Variants in ATP8A2 observed in about 807,000 individuals in gnomAD.
ATP8A2 encodes phospholipid-transporting ATPase IB.
ATP8A2 carries 100 observed loss-of-function variants against 165.6 expected under a neutral mutation model. The ratio of observed to expected loss-of-function variants is 0.60; its 90% confidence interval spans 0.51 to 0.71. The LOEUF is 0.71. Among genes scored for constraint, ATP8A2 ranks in the 30% least tolerant of loss-of-function variants. The probability of loss-of-function intolerance (pLI) is 0.00; values close to 1 mark genes in which losing one functional copy is unlikely to be tolerated. For synonymous variants in ATP8A2, 543 were observed against 548.8 expected, an observed-to-expected ratio of 0.99 and a Z score of 0.15; for missense variants, 1,227 against 1,479.5, an observed-to-expected ratio of 0.83 and a Z score of 2.80.
chr13:25,415,113 G>T (rs2034094684), intron 1 of ATP8A2, among the ~76,000 whole-genome samples: 1 of 152,164 alleles, frequency 6.6e-6, no homozygotes, highest in Non-Finnish European at 1.5e-5. Flanking sequence ...TTTTGCATTA[G>T]AATAACATTT....
chr13:25,767,035 A>C lies in ATP8A2; in HGVS notation c.2385-2011A>C, dbSNP rs989078965. Among the ~76,000 whole-genome samples the C allele has an allele frequency of 3.9e-5, 6 of 152,196 alleles. No homozygotes were observed. In the East Asian group the frequency reaches 9.6e-4, roughly 24 times the overall value. On this transcript the variant is annotated intron_variant, in intron 25 of 36. Coordinates refer to ENST00000381655, the MANE Select transcript of ATP8A2 (RefSeq NM_016529.6). ...ATGGTCAATGTGTGGTGCACAGGAA[A>C]ATGTCATACTCAGGCCTTTAACTGT...
chr13:25,394,272 G>C (rs11840910), intron 1 of ATP8A2, among the ~76,000 whole-genome samples: 2,005 of 152,346 alleles, frequency 0.013, 48 homozygotes, highest in African/African-American at 0.046. Flanking sequence ...AGTGGAAGGA[G>C]AGCTCATTAC....
intron 2 of ATP8A2, among the ~76,000 whole-genome samples, chr13:25,474,753 T>C (rs2035946844): frequency 6.6e-6 from 1 of 152,070 alleles, no homozygotes; most frequent in South Asian, 2.1e-4. Flanking sequence ...GTTTGTTATA[T>C]AGGTAAACTC....
Position 25,885,613 on chromosome 13 carries a change from G to T in ATP8A2, c.3183+23205G>T, listed in dbSNP as rs1448978409. On this transcript the variant is annotated intron_variant, in intron 33 of 36. Coordinates refer to ENST00000381655, the MANE Select transcript of ATP8A2 (RefSeq NM_016529.6). ...CGACTGCAGCAGTCTCAGCACATCA[G>T]TCCCGAACCAGAGAAATTGCAGTGT... Among the ~76,000 whole-genome samples the T allele has an allele frequency of 2.6e-5, 4 of 152,280 alleles. No individual in the cohort carries two copies. The East Asian group carries it at 7.8e-4, about 30-fold the overall frequency.
At chr13:25,972,480 G>T (rs1955937594) in intron 35 of ATP8A2, among the ~76,000 whole-genome samples, 1 of 152,144 alleles carries the variant, frequency 6.6e-6, no homozygotes, top group Admixed American at 6.6e-5. Context: ...ATTTTAGTTT[G>T]TTCTTCTTGA....
At chr13:25,438,504 G>A (rs2034841230) in intron 1 of ATP8A2, among the ~76,000 whole-genome samples, 1 of 152,100 alleles carries the variant, frequency 6.6e-6, no homozygotes, top group Non-Finnish European at 1.5e-5. Flanking sequence ...AGCTTGGCAT[G>A]GTGGTGTGCA....
At chr13:25,546,996 G>A (rs572850920) in intron 10 of ATP8A2, among the ~76,000 whole-genome samples, 1 of 152,144 alleles carries the variant, frequency 6.6e-6, no homozygotes, top group East Asian at 1.9e-4. Context: ...TGGGCATGGT[G>A]GTGCATGCCT....
chr13:25,741,142 T>C (rs1396813793), intron 25 of ATP8A2, among the ~76,000 whole-genome samples: 2 of 152,230 alleles, frequency 1.3e-5, no homozygotes, highest in East Asian at 3.8e-4. Flanking sequence ...AATCTTTGTT[T>C]GAGAAAATTA....
intron 33 of ATP8A2, among the ~76,000 whole-genome samples, chr13:25,960,613 C>G (rs116260170): frequency 0.014 from 2,067 of 152,278 alleles, 50 homozygotes; most frequent in African/African-American, 0.046. Flanking sequence ...CCTCCCAATT[C>G]CTAGCCAGCT....
At chr13:25,563,663 A>G (rs1169967815) in intron 15 of ATP8A2, among the ~76,000 whole-genome samples, 1 of 152,124 alleles carries the variant, frequency 6.6e-6, no homozygotes, top group African/African-American at 2.4e-5. Context: ...GGCCAACTGA[A>G]ATGCCAGCCA....
intron 1 of ATP8A2, among the ~76,000 whole-genome samples, chr13:25,452,461 A>C (rs142365868): frequency 3.2e-4 from 48 of 151,888 alleles, no homozygotes; most frequent in African/African-American, 1.1e-3. Context: ...CTTGGCTGTG[A>C]TATTTTTGTG....
chr13:25,681,087 A>G (rs1187409437), intron 24 of ATP8A2, among the ~76,000 whole-genome samples: 4 of 152,240 alleles, frequency 2.6e-5, no homozygotes, highest in African/African-American at 9.6e-5. Context: ...AAAAATAGAA[A>G]TTCTAGAATG....
rs2035546237 is a variant in ATP8A2, at chr13:25,463,056, T to C, written c.77-5921T>C. 2.0e-5 allele frequency among the ~76,000 whole-genome samples: 3 copies of C among 149,814 alleles called. No individual in the cohort carries two copies. In the South Asian group the frequency reaches 6.3e-4, roughly 32 times the overall value. On this transcript the variant is annotated intron_variant, in intron 1 of 36. Coordinates refer to ENST00000381655, the MANE Select transcript of ATP8A2 (RefSeq NM_016529.6). ...ACGAGGGTGGCCTGTGTGACTGGCGTTGGGAGGATGATGAGGGTGGCCTGT... is the reference window on the plus strand; with the variant it reads ...ACGAGGGTGGCCTGTGTGACTGGCGCTGGGAGGATGATGAGGGTGGCCTGT...
At chr13:25,444,943 C>T (rs2035030790) in intron 1 of ATP8A2, among the ~76,000 whole-genome samples, 1 of 152,150 alleles carries the variant, frequency 6.6e-6, no homozygotes, top group South Asian at 2.1e-4. Context: ...CGGCCCCGAG[C>T]ATCTTTTCAT....
chr13:25,388,572 G>C (rs1214657249), intron 1 of ATP8A2, among the ~76,000 whole-genome samples: 1 of 152,128 alleles, frequency 6.6e-6, no homozygotes, highest in Non-Finnish European at 1.5e-5. Context: ...AACAGGACAG[G>C]GATTTTCGCA....
At chr13:25,645,025 T>C (rs2041634573) in intron 24 of ATP8A2, among the ~76,000 whole-genome samples, 1 of 152,192 alleles carries the variant, frequency 6.6e-6, no homozygotes, top group African/African-American at 2.4e-5. Flanking sequence ...GTTGATCTTT[T>C]GTACTATTTT....
At chr13:25,499,830 T>A (rs1011959517) in intron 2 of ATP8A2, among the ~76,000 whole-genome samples, 1 of 151,924 alleles carries the variant, frequency 6.6e-6, no homozygotes, top group Admixed American at 6.6e-5. Context: ...ACAGGAGACA[T>A]AAGGAAAAGT....
intron 6 of ATP8A2, among the ~76,000 whole-genome samples, chr13:25,537,320 T>C (rs2038317928): frequency 6.6e-6 from 1 of 152,210 alleles, no homozygotes; most frequent in African/African-American, 2.4e-5. Flanking sequence ...AATCAGAGCA[T>C]TGGCCTTCCG....
chr13:25,567,216 T>C (rs988112166), intron 16 of ATP8A2: 7 of 409,936 alleles, frequency 1.7e-5, no homozygotes, highest in Admixed American at 1.6e-4. Context: ...TGTGACGTTT[T>C]GGGGTTTTGA....
Sources: allele counts gnomAD v4.1 joint callset (sites outside exome capture counted in the v4.1 genomes callset), GRCh38; gene constraint gnomAD v4.1.1; transcripts MANE v1.5; gene names NCBI Gene and HGNC (gene_info 2026-07-23, HGNC 2026-07-21).